COG2: variants seen among roughly 807,000 people sequenced by gnomAD.
COG2 encodes the protein component of oligomeric golgi complex 2, also known as conserved oligomeric Golgi complex subunit 2.
A neutral mutation model predicts 90.6 loss-of-function variants in COG2; 52 were observed. The ratio of observed to expected loss-of-function variants is 0.57; its 90% CI spans 0.46 to 0.72. The LOEUF (loss-of-function observed/expected upper bound fraction) is 0.72. COG2 is among the 30% of genes least tolerant of loss of function. The probability of loss-of-function intolerance (pLI) is 0.00; values close to 1 mark genes in which losing one functional copy is unlikely to be tolerated. For missense variants in COG2, 829 were observed against 891.2 expected, an observed-to-expected ratio of 0.93 and a Z score of 0.89; for synonymous variants, 337 against 320.4, an observed-to-expected ratio of 1.05 and a Z score of -0.55.
intron 16 of COG2, 150 bp from the exon 17 acceptor site, chr1:230,691,234 A>C: frequency 1.8e-6 from 1 of 569,280 alleles, no homozygotes; most frequent in Non-Finnish European, 3.0e-6. Flanking sequence ...AAATGATCTT[A>C]AGAAACTTAA....
chr1:230,679,233 GC>G, intron 10 of COG2, 181 bp downstream of exon 10: 1 of 549,146 alleles, frequency 1.8e-6, no homozygotes, highest in Admixed American at 3.5e-5. Flanking sequence ...AGTCTGGCTT[GC>G]ATGACAAAAA....
At chr1:230,659,670 T>A (rs769494798) in intron 2 of COG2, 45 bp downstream of exon 2, 4 of 1,572,552 alleles carry the variant, frequency 2.5e-6, no homozygotes, top group Non-Finnish European at 3.5e-6. Context: ...TACAATTTCT[T>A]TCTCACTCAT....
intron 2 of COG2, among the ~76,000 whole-genome samples, chr1:230,660,445 T>TA (rs1662154566): frequency 6.6e-6 from 1 of 152,242 alleles, no homozygotes; most frequent in East Asian, 1.9e-4. Flanking sequence ...GATAGCTCTT[T>TA]ATCTCCAGTT....
intron 17 of COG2, among the ~76,000 whole-genome samples, chr1:230,692,190 C>T (rs538539274): frequency 6.6e-6 from 1 of 152,016 alleles, no homozygotes; most frequent in South Asian, 2.1e-4. Context: ...CATAAAACCT[C>T]TAGATGTTCA....
At chr1:230,678,512 C>T (rs1371485834) in intron 9 of COG2, 24 of 985,086 alleles carry the variant, frequency 2.4e-5, no homozygotes, top group Non-Finnish European at 2.7e-5. Context: ...GATTCTTTCT[C>T]TTCTCTCTCT....
intron 9 of COG2, among the ~76,000 whole-genome samples, chr1:230,675,516 T>A (rs1662568357): frequency 6.6e-6 from 1 of 152,202 alleles, no homozygotes; most frequent in African/African-American, 2.4e-5. Context: ...TCACTGAATG[T>A]TTTCCAGCAG....
chr1:230,667,102 T>G (rs1662339173), intron 5 of COG2, among the ~76,000 whole-genome samples: 1 of 152,206 alleles, frequency 6.6e-6, no homozygotes, highest in Non-Finnish European at 1.5e-5. Flanking sequence ...ACGGTGAGAC[T>G]GGAACTGTTG....
Position 230,685,106 on chromosome 1 carries a change from T to TGG in COG2, c.1251_1252dup (p.Ala418GlyfsTer63). The TGG allele has an allele frequency of 6.2e-7, 1 of 1,614,178 alleles. No individual in the cohort carries two copies. The highest frequency in any genetic ancestry group is 8.5e-7 in the Non-Finnish European group (1 of 1,180,022). On this transcript the variant is annotated frameshift_variant, in exon 12 of 18. Transcript: ENST00000366669. LOFTEE classifies it high-confidence loss of function. Reference sequence around the variant, plus strand: ...CTAGCTGAAAGTCCGTATTGCCTTTTGGCTTCTCATAGAACTTGGAGCAGC... The same window carrying TGG: ...CTAGCTGAAAGTCCGTATTGCCTTTTGGGGCTTCTCATAGAACTTGGAGCAGC...
chr1:230,673,838 C>T (rs1319465029), intron 8 of COG2, among the ~76,000 whole-genome samples: 1 of 152,110 alleles, frequency 6.6e-6, no homozygotes, highest in African/African-American at 2.4e-5. Context: ...GACAGTGAAG[C>T]AAAGCTTCCT....
intron 15 of COG2, among the ~76,000 whole-genome samples, chr1:230,689,563 CAGTGGTCT>C (rs998740627): frequency 2.6e-5 from 4 of 152,250 alleles, no homozygotes; most frequent in Admixed American, 2.6e-4. Flanking sequence ...GCTTCTCAAA[CAGTGGTCT>C]AGTGATCAGC....
At chr1:230,668,637 C>A in intron 5 of COG2, 39 bp from the exon 6 acceptor site, 2 of 1,264,614 alleles carry the variant, frequency 1.6e-6, no homozygotes, top group Non-Finnish European at 1.1e-6. Context: ...GAAATAGAGA[C>A]CTTAGGGGTT....
At position 230,659,476 on chromosome 1, in the gene COG2, G is replaced by A. The variant is rs371426548; in HGVS notation, c.85G>A (p.Val29Ile). The change falls in exon 2 of 18, where the codon GTC (valine) becomes ATC (isoleucine). Residue 29 changes from valine to isoleucine, a missense_variant. By Grantham distance (29) the Val-to-Ile change is conservative. Transcript: ENST00000366669. ...TTTTATTTTTCAGGAAGATTTCGAT[G>A]TCGATCATTTTGTGTCTGACTGTAG... The part of the protein sequence containing the change: ...KDEFMKEDFD[V>I]DHFVSDCRKR... 2.0e-5 allele frequency: 32 copies of A among 1,613,278 alleles called. No individual in the cohort carries two copies. Among genetic ancestry groups the A allele is most frequent in the Non-Finnish European group, 2.6e-5 (31 of 1,179,656 alleles).
At position 230,679,051 on chromosome 1, in the gene COG2, A is replaced by G; in HGVS notation, c.1165A>G (p.Arg389Gly). The G allele has an allele frequency of 6.2e-7, 1 of 1,611,518 alleles. No homozygotes were observed. The highest frequency in any genetic ancestry group is 8.5e-7 in the Non-Finnish European group (1 of 1,177,896). ...GAACTTGCCTGTTTATTTTCAAATA[A>G]GGTTGGTCATCTATTCACCGCCCCC... ...KWNLPVYFQI[R>G]FREIAGSLEA... The change falls in exon 10 of 18, where the codon AGA becomes GGA. Residue 389 changes from arginine (R) to glycine (G), a missense_variant and splice_region_variant. By Grantham distance (125) the Arg-to-Gly change is moderately radical (BLOSUM62 -2). Transcript: ENST00000366669.
chr1:230,672,236 A>AT (rs1476302443), intron 8 of COG2, among the ~76,000 whole-genome samples: 15 of 152,098 alleles, frequency 9.9e-5, no homozygotes, highest in African/African-American at 3.4e-4. Context: ...GAAATCTGAG[A>AT]TTCATAGATT....
chr1:230,650,116 C>T (rs1039859184), intron 1 of COG2, among the ~76,000 whole-genome samples: 1 of 152,116 alleles, frequency 6.6e-6, no homozygotes, highest in Non-Finnish European at 1.5e-5. Context: ...TTATCCAATC[C>T]TCCGTTGATA....
In COG2 at chr1:230,675,087, C is replaced by T. The variant is rs546846941; in HGVS notation, c.989C>T (p.Ser330Leu). The T allele has an allele frequency of 2.9e-5, 47 of 1,612,488 alleles. 1 individual carries two copies. In the South Asian group the frequency reaches 3.9e-4, roughly 13 times the overall value. The change falls in exon 9 of 18, where the codon TCG becomes TTG. Residue 330 changes from serine to leucine, a missense_variant. Physicochemically the swap from Ser to Leu is moderately radical, Grantham distance 145. Transcript: ENST00000366669. ...IVQGLEEKLPSLFNPGNPDAF... is the reference protein window; with the variant it reads ...IVQGLEEKLPLLFNPGNPDAF... ...CAAGGATTAGAAGAAAAGTTACCCT[C>T]GCTTTTTAATCCTGGGAATCCCGAT... is the stretch of plus-strand genomic sequence containing the variant.
At chr1:230,666,949 C>T (rs956612423) in intron 5 of COG2, among the ~76,000 whole-genome samples, 1 of 152,226 alleles carries the variant, frequency 6.6e-6, no homozygotes, top group African/African-American at 2.4e-5. Context: ...AGAGAAAGTA[C>T]AAACAAGACA....
Position 230,688,444 on chromosome 1 carries a change from C to CT in COG2, c.1681dup (p.Ser561PhefsTer9). 1.2e-6 allele frequency: 2 copies of CT among 1,613,994 alleles called. No homozygotes were observed. Among genetic ancestry groups the CT allele is most frequent in the Non-Finnish European group, 1.7e-6 (2 of 1,179,988 alleles). ...GCAGCCCTGGAGGACTCCCAGAGCT[C>CT]TTTTTCAGCCTGTGTGCCCTCCTTG... On this transcript the variant is annotated frameshift_variant, in exon 15 of 18. Transcript: ENST00000366669. LOFTEE classifies it high-confidence loss of function.
At chr1:230,684,944 A>G (rs1662848951) in intron 11 of COG2, 141 bp from the exon 12 acceptor site, 2 of 960,526 alleles carry the variant, frequency 2.1e-6, no homozygotes, top group Middle Eastern at 6.5e-4. Context: ...CTGTGCCTCC[A>G]ACAGCTTTGC....
Sources: gnomAD v4.1 joint callset for allele counts (sites outside exome capture counted in the v4.1 genomes callset) on GRCh38, gnomAD v4.1.1 for gene constraint, MANE v1.5 for transcripts, NCBI Gene and HGNC (gene_info 2026-07-23, HGNC 2026-07-21) for gene names.